Variants in CSRNP3 observed in about 807,000 individuals in gnomAD.
CSRNP3 encodes cysteine/serine-rich nuclear protein 3.
CSRNP3 carries 12 observed loss-of-function variants against 48.0 expected under a neutral mutation model. The observed-to-expected ratio is 0.25, with a 90% CI of 0.16 to 0.41. The LOEUF is 0.41. CSRNP3 is among the 10% of genes least tolerant of loss of function. The probability of loss-of-function intolerance (pLI) is 1.00; values close to 1 mark genes in which losing one functional copy is unlikely to be tolerated. For synonymous variants in CSRNP3, 263 were observed against 269.7 expected, an observed-to-expected ratio of 0.98 and a Z score of 0.24; for missense variants, 580 against 724.4, an observed-to-expected ratio of 0.80 and a Z score of 2.29.
At chr2:165,631,790 T>C (rs889956798) in intron 4 of CSRNP3, among the ~76,000 whole-genome samples, 1 of 152,230 alleles carries the variant, frequency 6.6e-6, no homozygotes, top group African/African-American at 2.4e-5. Flanking sequence ...TAAAGTTTTA[T>C]TGGAAAACAA....
chr2:165,492,534 T>C (rs1195698746), intron 1 of CSRNP3, among the ~76,000 whole-genome samples: 1 of 152,058 alleles, frequency 6.6e-6, no homozygotes, highest in Non-Finnish European at 1.5e-5. Context: ...GGAGTGACAT[T>C]AGTTCACTGA....
chr2:165,661,819 A>AC (rs1352150790), intron 5 of CSRNP3, among the ~76,000 whole-genome samples: 4 of 152,164 alleles, frequency 2.6e-5, no homozygotes, highest in Admixed American at 2.6e-4. Context: ...AGCATCTGAC[A>AC]AGAGAGACAG....
intron 5 of CSRNP3, among the ~76,000 whole-genome samples, chr2:165,659,244 AGGTT>A (rs1687059410): frequency 1.3e-5 from 2 of 152,150 alleles, no homozygotes; most frequent in Non-Finnish European, 2.9e-5. Context: ...AGGTGACAGT[AGGTT>A]ATATTAGACT....
At chr2:165,492,600 A>G (rs1039631211) in intron 1 of CSRNP3, among the ~76,000 whole-genome samples, 1 of 151,852 alleles carries the variant, frequency 6.6e-6, no homozygotes, top group Non-Finnish European at 1.5e-5. Context: ...CATATCACTT[A>G]ATGGCTTATT....
chr2:165,667,459 A>T (rs1234489242), intron 5 of CSRNP3, among the ~76,000 whole-genome samples: 1 of 152,034 alleles, frequency 6.6e-6, no homozygotes, highest in African/African-American at 2.4e-5. Context: ...TTTAAAAAAA[A>T]TTGTTCTCAC....
intron 3 of CSRNP3, among the ~76,000 whole-genome samples, chr2:165,582,183 T>C (rs1685559687): frequency 6.6e-6 from 1 of 152,224 alleles, no homozygotes; most frequent in South Asian, 2.1e-4. Flanking sequence ...GCAAGTGATC[T>C]AGACTTCTGA....
chr2:165,498,766 C>T (rs539552825), intron 2 of CSRNP3, among the ~76,000 whole-genome samples: 4 of 152,154 alleles, frequency 2.6e-5, no homozygotes, highest in African/African-American at 7.2e-5. Context: ...ATGGTGCTGT[C>T]GCTCACATCG....
chr2:165,492,724 T>TAAAAAAAAAAAAA (rs11304265), intron 1 of CSRNP3, among the ~76,000 whole-genome samples: 2 of 110,158 alleles, frequency 1.8e-5, no homozygotes, highest in Non-Finnish European at 1.8e-5. Flanking sequence ...ACTATTAGAG[T>TAAAAAAAAAAAAA]AAAAAAAAAA....
Position 165,680,014 on chromosome 2 carries a change from AC to A in CSRNP3, c.*263del. The A allele has an allele frequency of 4.5e-6, 2 of 449,050 alleles. No homozygotes were observed. Among genetic ancestry groups the A allele is most frequent in the Non-Finnish European group, 3.9e-6 (1 of 256,392 alleles). 27.8% of individuals were successfully genotyped at this position (449,050 alleles called of 1,614,324 possible). On this transcript the variant is annotated 3_prime_UTR_variant, in exon 7 of 7. Coordinates refer to ENST00000651982, the MANE Select transcript of CSRNP3 (RefSeq NM_001172173.2). ...TAAAATGCATATCTCACAGTTGCCT[AC>A]CTGTCAAACTGTGTGAAACCTGCCA... is the stretch of plus-strand genomic sequence containing the variant.
At chr2:165,593,574 C>T (rs1217765499) in intron 3 of CSRNP3, among the ~76,000 whole-genome samples, 8 of 152,140 alleles carry the variant, frequency 5.3e-5, no homozygotes, top group Non-Finnish European at 1.2e-4. Flanking sequence ...CTCGGGGAAT[C>T]TGAACACGCT....
chr2:165,537,763 C>A (rs976605469), intron 3 of CSRNP3, among the ~76,000 whole-genome samples: 2 of 151,814 alleles, frequency 1.3e-5, no homozygotes, highest in Non-Finnish European at 2.9e-5. Context: ...TTTCTCTACA[C>A]TCCCATTTCT....
At chr2:165,622,379 A>G (rs548656562) in intron 4 of CSRNP3, among the ~76,000 whole-genome samples, 5 of 152,182 alleles carry the variant, frequency 3.3e-5, no homozygotes, top group Admixed American at 6.5e-5. Flanking sequence ...ACATTTAAAT[A>G]CCTTTTTTGA....
intron 4 of CSRNP3, among the ~76,000 whole-genome samples, chr2:165,606,022 T>G (rs531270304): frequency 1.3e-5 from 2 of 152,096 alleles, no homozygotes; most frequent in East Asian, 3.9e-4. Flanking sequence ...TCTGTTCCAG[T>G]AAATGGCTTT....
At chr2:165,572,690 T>C (rs967256711) in intron 3 of CSRNP3, 7 of 152,176 alleles carry the variant, frequency 4.6e-5, no homozygotes, top group Non-Finnish European at 7.4e-5. Context: ...TTGCAAGATA[T>C]TTGTAGTGTA....
chr2:165,662,078 A>C (rs1687106578), intron 5 of CSRNP3, among the ~76,000 whole-genome samples: 1 of 152,194 alleles, frequency 6.6e-6, no homozygotes, highest in Admixed American at 6.5e-5. Flanking sequence ...AAAGAAATAC[A>C]TGCATATACA....
At chr2:165,520,203 C>A (rs1368203847) in intron 3 of CSRNP3, among the ~76,000 whole-genome samples, 1 of 152,100 alleles carries the variant, frequency 6.6e-6, no homozygotes, top group Non-Finnish European at 1.5e-5. Context: ...CAATTTTGTG[C>A]AATCATTAAC....
chr2:165,489,531 T>C (rs200338633), intron 1 of CSRNP3, among the ~76,000 whole-genome samples: 21,936 of 107,088 alleles, frequency 0.2, 1,933 homozygotes, highest in East Asian at 0.33. Flanking sequence ...TGATGAACAT[T>C]GATGCAAAAA....
chr2:165,502,165 C>T (rs979829055), intron 2 of CSRNP3, among the ~76,000 whole-genome samples: 2 of 151,874 alleles, frequency 1.3e-5, no homozygotes, highest in Non-Finnish European at 2.9e-5. Context: ...GGAAAATCCA[C>T]ATAATTAATT....
At chr2:165,501,168 C>G (rs1220158221) in intron 2 of CSRNP3, among the ~76,000 whole-genome samples, 1 of 152,048 alleles carries the variant, frequency 6.6e-6, no homozygotes, top group African/African-American at 2.4e-5. Context: ...AAATGCTATG[C>G]TAAGATCATG....
Sources: gnomAD v4.1 joint callset for allele counts (sites outside exome capture counted in the v4.1 genomes callset) on GRCh38, gnomAD v4.1.1 for gene constraint, MANE v1.5 for transcripts, NCBI Gene and HGNC (gene_info 2026-07-23, HGNC 2026-07-21) for gene names.